Variants in FMO1 observed in about 807,000 individuals in gnomAD.
The protein encoded by FMO1 is flavin-containing monooxygenase 1.
Under a neutral mutation model 45.4 loss-of-function variants are expected in FMO1, and 36 were observed. That is an observed-to-expected ratio of 0.79 (90% CI 0.61 to 1.05). FMO1 has a LOEUF of 1.05. FMO1 is among the 50% of genes least tolerant of loss of function. FMO1 has a pLI of 0.00. For synonymous variants in FMO1, 228 were observed against 227.2 expected, an observed-to-expected ratio of 1.00 and a Z score of -0.03; for missense variants, 615 against 640.3, an observed-to-expected ratio of 0.96 and a Z score of 0.43.
Position 171,285,056 on chromosome 1 carries a change from G to A in FMO1, c.1257-146G>A, listed in dbSNP as rs16864334. 1,708 of 548,400 alleles carry A rather than the reference G, an allele frequency of 3.1e-3. 27 individuals carry two copies. Among genetic ancestry groups the A allele is most frequent in the African/African-American group, 0.025 (1,274 of 51,770 alleles). 34.0% of individuals were successfully genotyped at this position (548,400 alleles called of 1,614,324 possible). ...TTGATTTAAGAAACAGAAGGAGACC[G>A]TTAGATAGGTAGGGAAATAAAGGGG... On this transcript the variant is annotated intron_variant, in intron 8 of 8. Transcript: ENST00000617670.
chr1:171,278,839 A>G lies in FMO1; in HGVS notation c.595A>G (p.Ile199Val), dbSNP rs745756826. The G allele has an allele frequency of 3.1e-6, 5 of 1,612,528 alleles. No homozygotes were observed. In the South Asian group the frequency reaches 5.5e-5, roughly 18 times the overall value. The change falls in exon 5 of 9, where the codon ATT becomes GTT. Residue 199 changes from isoleucine to valine, a missense_variant. Physicochemically the swap from Ile to Val is conservative, Grantham distance 29. Transcript: ENST00000617670. The stretch of plus-strand genomic sequence containing the variant: ...TGGAATGGGAAATTCTGGCACAGAC[A>G]TTGCTGTGGAGGCCAGCCACCTGGC... ...VIGMGNSGTD[I>V]AVEASHLAEK...
chr1:171,266,835 T>C (rs1030170905), intron 2 of FMO1, among the ~76,000 whole-genome samples: 8 of 152,232 alleles, frequency 5.3e-5, no homozygotes, highest in Non-Finnish European at 1.2e-4. Context: ...AGAGGCAATG[T>C]ATATTAAAGA....
At chr1:171,253,856 A>ATATACCTCAGCT (rs1447220694) in intron 1 of FMO1, 2 of 152,318 alleles carry the variant, frequency 1.3e-5, no homozygotes, top group East Asian at 3.9e-4. Flanking sequence ...GTGGTGGCCC[A>ATATACCTCAGCT]GGTAGAAGGC....
chr1:171,278,975 A>C lies in FMO1; in HGVS notation c.627+104A>C, dbSNP rs1437265690. 3 of 873,630 alleles carry C rather than the reference A, an allele frequency of 3.4e-6. No homozygotes were observed. The Admixed American group carries it at 1.1e-4, about 33-fold the overall frequency. The allele number at this position is 873,630 out of a possible 1,614,324, so 54.1% of individuals were successfully genotyped here. A position where few individuals can be genotyped will look rare whatever the true frequency, so the allele number is the denominator to read the frequency against. On this transcript the variant is annotated intron_variant, in intron 5 of 8. Transcript: ENST00000617670. ...AAATGTTAAAGGAATAAAATGTCTC[A>C]CATGCAAACAACAGATTACTAAGGA...
intron 4 of FMO1, among the ~76,000 whole-genome samples, chr1:171,277,351 T>C (rs2101834642): frequency 6.6e-6 from 1 of 152,334 alleles, no homozygotes; most frequent in African/African-American, 2.4e-5. Flanking sequence ...GTATCACAGT[T>C]AGAATAAACG....
At chr1:171,249,153 T>G (rs1384688216) in intron 1 of FMO1, among the ~76,000 whole-genome samples, 1 of 152,092 alleles carries the variant, frequency 6.6e-6, no homozygotes, top group Non-Finnish European at 1.5e-5. Flanking sequence ...GTTTCGTGCT[T>G]CATTCTATGT....
In FMO1 at chr1:171,267,586, T is replaced by G; in HGVS notation, c.176T>G (p.Val59Gly). Residue 59 changes from valine to glycine, a missense_variant, in exon 3 of 9, where the codon GTT becomes GGT. Transcript: ENST00000617670. ...AGAGCCAGTCTCTACAAGTCTGTGG[T>G]TTCCAACAGCTGCAAGGAGATGTCT... ...EGRASLYKSV[V>G]SNSCKEMSCY... 1 of 1,613,640 alleles carries G rather than the reference T, an allele frequency of 6.2e-7. No individual in the cohort carries two copies.
intron 6 of FMO1, 123 bp downstream of exon 6, chr1:171,281,108 T>C (rs1057333045): frequency 6.6e-6 from 5 of 753,454 alleles, no homozygotes; most frequent in Non-Finnish European, 1.1e-5. Flanking sequence ...TTGATACAAA[T>C]TTGCTTGATA....
chr1:171,255,392 AG>A, intron 1 of FMO1, among the ~76,000 whole-genome samples: 1 of 152,346 alleles, frequency 6.6e-6, no homozygotes, highest in South Asian at 2.1e-4. Context: ...AAGTGAGCCC[AG>A]GGCAGTTCAG....
Position 171,285,785 on chromosome 1 carries a change from G to T in FMO1, c.*241G>T. The T allele has an allele frequency of 2.9e-6, 1 of 339,678 alleles. No individual in the cohort carries two copies. The allele number at this position is 339,678 out of a possible 1,614,324, so 21.0% of individuals were successfully genotyped here. On this transcript the variant is annotated 3_prime_UTR_variant, in exon 9 of 9. Transcript: ENST00000617670. ...ATTTGAAGGTTGTTGGAAAGTTACA[G>T]GTTCATTTTAGAAAGAAAGCTGTTC...
rs1660857786 is a variant in FMO1, at chr1:171,271,391, C to T, written c.321+3660C>T. ...ACTTCTCTTTCATAATGGGCCTTGT[C>T]ACCTTTGCCATATCTTCAAATTGTC... is the stretch of plus-strand genomic sequence containing the variant. On this transcript the variant is annotated intron_variant, in intron 3 of 8. Coordinates refer to ENST00000617670, the MANE Select transcript of FMO1 (RefSeq NM_001282693.2). The T allele has an allele frequency of 1.1e-5, 12 of 1,119,668 alleles. No individual in the cohort carries two copies. In the Admixed American group the frequency reaches 1.2e-4, roughly 11 times the overall value. The allele number at this position is 1,119,668 out of a possible 1,614,324, so 69.4% of individuals were successfully genotyped here.
At chr1:171,257,046 G>A (rs1660190379) in intron 1 of FMO1, among the ~76,000 whole-genome samples, 1 of 152,216 alleles carries the variant, frequency 6.6e-6, no homozygotes. Context: ...ATAACTTACA[G>A]CTACTGAGCA....
chr1:171,249,413 G>C (rs1028620030), intron 1 of FMO1, among the ~76,000 whole-genome samples: 1 of 152,140 alleles, frequency 6.6e-6, no homozygotes, highest in African/African-American at 2.4e-5. Context: ...ATTTTTATTT[G>C]CTTGTTGTGG....
chr1:171,249,016 G>A (rs1659757139), intron 1 of FMO1, among the ~76,000 whole-genome samples: 1 of 151,456 alleles, frequency 6.6e-6, no homozygotes, highest in Non-Finnish European at 1.5e-5. Context: ...CATTGTCTGA[G>A]ATCATAGTTT....
intron 2 of FMO1, among the ~76,000 whole-genome samples, chr1:171,260,248 A>ATTAAGGAGATTTCCTGGTTGTCGCG (rs1660320707): frequency 6.6e-6 from 1 of 152,218 alleles, no homozygotes; most frequent in Admixed American, 6.5e-5. Flanking sequence ...GAGGAACAAA[A>ATTAAGGAGATTTCCTGGTTGTCGCG]TTAAGGAGAT....
chr1:171,268,425 G>A (rs375351569), intron 3 of FMO1, among the ~76,000 whole-genome samples: 14 of 152,136 alleles, frequency 9.2e-5, no homozygotes, highest in Middle Eastern at 3.2e-3. Flanking sequence ...GAATGGACAC[G>A]TGCAGTGGCC....
At position 171,284,395 on chromosome 1, in the gene FMO1, T is replaced by A. The variant is rs571158185; in HGVS notation, c.1257-807T>A. 5.3e-5 allele frequency among the ~76,000 whole-genome samples: 8 copies of A among 152,210 alleles called. No homozygotes were observed. In the South Asian group the frequency reaches 1.7e-3, roughly 32 times the overall value. On this transcript the variant is annotated intron_variant, in intron 8 of 8. Coordinates refer to ENST00000617670, the MANE Select transcript of FMO1 (RefSeq NM_001282693.2). ...ATGGAACTCCAGTGTAATAGATAACTAATTAGAACTGCTATAAAATGAAAA... is the reference window on the plus strand; with the variant it reads ...ATGGAACTCCAGTGTAATAGATAACAAATTAGAACTGCTATAAAATGAAAA...
intron 4 of FMO1, among the ~76,000 whole-genome samples, chr1:171,277,184 C>T (rs978986838): frequency 1.1e-4 from 17 of 152,192 alleles, no homozygotes; most frequent in African/African-American, 3.1e-4. Flanking sequence ...TATCTCCTGA[C>T]TTACAGCAGA....
At chr1:171,258,061 T>G in intron 1 of FMO1, 21 bp from the exon 2 acceptor site, 1 of 1,613,788 alleles carries the variant, frequency 6.2e-7, no homozygotes. Context: ...ATAAAAAGCC[T>G]GCTTCATCTT....
Sources: allele counts gnomAD v4.1 joint callset (sites outside exome capture counted in the v4.1 genomes callset), GRCh38; gene constraint gnomAD v4.1.1; transcripts MANE v1.5; gene names NCBI Gene and HGNC (gene_info 2026-07-23, HGNC 2026-07-21).